Variants in LY86 observed in about 807,000 individuals in gnomAD.
LY86 encodes MD-1, RP105-associated.
A neutral mutation model predicts 17.3 loss-of-function variants in LY86; 20 were observed. The observed-to-expected ratio is 1.15, with a 90% CI of 0.81 to 1.68. The LOEUF is 1.68. Among genes scored for constraint, LY86 ranks in the 40% most tolerant of loss-of-function variants. The pLI is 0.00. For missense variants in LY86, 200 were observed against 191.9 expected, an observed-to-expected ratio of 1.04 and a Z score of -0.25; for synonymous variants, 74 against 70.6, an observed-to-expected ratio of 1.05 and a Z score of -0.24.
intron 1 of LY86, among the ~76,000 whole-genome samples, chr6:6,590,118 TAAAAAAAAAAA>T (rs34637229): frequency 1.2e-5 from 1 of 80,586 alleles, no homozygotes; most frequent in African/African-American, 5.1e-5. Flanking sequence ...AACTCTGTCT[TAAAAAAAAAAA>T]AAAAAAAAAA....
chr6:6,642,269 T>G (rs1229279892), intron 3 of LY86, among the ~76,000 whole-genome samples: 2 of 152,208 alleles, frequency 1.3e-5, no homozygotes, highest in Non-Finnish European at 2.9e-5. Context: ...TCTGTGCAAC[T>G]GTATGGGGAG....
chr6:6,629,592 G>C lies in LY86; in HGVS notation c.352+3171G>C, dbSNP rs571898565. On this transcript the variant is annotated intron_variant, in intron 3 of 4. Transcript: ENST00000230568. ...GGTGTCACTGGCAGTTGAGCTGTTT[G>C]GTATCATTGCCATGGCATTACTATG... is the stretch of plus-strand genomic sequence containing the variant. Among the ~76,000 whole-genome samples, 60 of 152,336 alleles carry C rather than the reference G, an allele frequency of 3.9e-4. No individual in the cohort carries two copies. In the East Asian group the frequency reaches 4.1e-3, roughly 10 times the overall value.
chr6:6,649,623 A>G lies in LY86; in HGVS notation c.353-2A>G. On this transcript the variant is annotated splice_acceptor_variant, in intron 3 of 4. Transcript: ENST00000230568. LOFTEE classifies it high-confidence loss of function. ...TCATCTATGCTTTATATATTTTTTC[A>G]GAGCAGATTTACTATGCTGGGCCTG... 6.5e-7 allele frequency: 1 copy of G among 1,545,646 alleles called. No homozygotes were observed. The highest frequency in any genetic ancestry group is 1.2e-5 in the South Asian group (1 of 86,364).
intron 3 of LY86, among the ~76,000 whole-genome samples, chr6:6,642,908 T>C (rs989117787): frequency 6.6e-6 from 1 of 152,196 alleles, no homozygotes; most frequent in South Asian, 2.1e-4. Context: ...GTCTGGAACA[T>C]CCTTCCCACC....
chr6:6,606,047 G>GT (rs1385877669), intron 1 of LY86, among the ~76,000 whole-genome samples: 3 of 152,202 alleles, frequency 2.0e-5, no homozygotes, highest in African/African-American at 4.8e-5. Flanking sequence ...ACTCAAGCAG[G>GT]TTACTGCTGC....
chr6:6,594,050 G>C (rs764512135), intron 1 of LY86, among the ~76,000 whole-genome samples: 2 of 152,258 alleles, frequency 1.3e-5, no homozygotes, highest in African/African-American at 4.8e-5. Context: ...GTAAGGGTCA[G>C]ATAGAGTTCT....
intron 1 of LY86, among the ~76,000 whole-genome samples, chr6:6,608,528 A>AC (rs766847303): frequency 6.6e-5 from 10 of 152,156 alleles, no homozygotes; most frequent in Non-Finnish European, 1.5e-4. Context: ...GAAAATGTTT[A>AC]CCGGCCCAGT....
At chr6:6,594,019 T>C (rs1384326182) in intron 1 of LY86, among the ~76,000 whole-genome samples, 2 of 152,254 alleles carry the variant, frequency 1.3e-5, no homozygotes, top group African/African-American at 4.8e-5. Flanking sequence ...TTGTTGCCAT[T>C]GTTTTTGTTA....
intron 1 of LY86, among the ~76,000 whole-genome samples, chr6:6,595,454 AAG>A (rs1254101514): frequency 2.6e-5 from 4 of 151,690 alleles, no homozygotes; most frequent in South Asian, 2.1e-4. Flanking sequence ...GTGGAAAAAG[AAG>A]AGAGGGAGAG....
At chr6:6,614,492 C>G (rs922036157) in intron 1 of LY86, among the ~76,000 whole-genome samples, 1 of 151,990 alleles carries the variant, frequency 6.6e-6, no homozygotes, top group Non-Finnish European at 1.5e-5. Context: ...CCTGCGCATA[C>G]CAGGCTCTCT....
rs982541363 is a variant in LY86 at position 6,646,119 on chromosome 6, C to T, written c.353-3506C>T. Reference sequence around the variant, plus strand: ...GATTGCAATGCAAGGGGTGCATCCTCAGGCTGGGCAAAGCACCAGCATGAC... The same window carrying T: ...GATTGCAATGCAAGGGGTGCATCCTTAGGCTGGGCAAAGCACCAGCATGAC... On this transcript the variant is annotated intron_variant, in intron 3 of 4. Transcript: ENST00000230568. Among the ~76,000 whole-genome samples the T allele has an allele frequency of 5.9e-5, 9 of 152,290 alleles. 1 individual carries two copies. Among genetic ancestry groups the T allele is most frequent in the Admixed American group, 4.6e-4 (7 of 15,300 alleles).
At chr6:6,621,483 C>A (rs1204133673) in intron 1 of LY86, 1 of 152,184 alleles carries the variant, frequency 6.6e-6, no homozygotes, top group Non-Finnish European at 1.5e-5. Flanking sequence ...GAAATTGATA[C>A]AGTGATTATT....
chr6:6,631,672 G>A lies in LY86; in HGVS notation c.352+5251G>A, dbSNP rs1581249082. ...TGATCTGTATTTTAACAAGCCTTTT[G>A]GGCCATGTGTTGGCAAACTTTCTTC... On this transcript the variant is annotated intron_variant, in intron 3 of 4. Coordinates refer to ENST00000230568, the MANE Select transcript of LY86 (RefSeq NM_004271.4). 3.3e-5 allele frequency among the ~76,000 whole-genome samples: 5 copies of A among 152,128 alleles called. No individual in the cohort carries two copies. In the South Asian group the frequency reaches 1.0e-3, roughly 32 times the overall value.
chr6:6,618,586 C>T (rs535637627), intron 1 of LY86, among the ~76,000 whole-genome samples: 84 of 152,238 alleles, frequency 5.5e-4, no homozygotes, highest in Non-Finnish European at 1.1e-3. Context: ...CACAAATAGT[C>T]GATATTCCAT....
At chr6:6,652,876 TGTA>T (rs1233239597) in intron 4 of LY86, among the ~76,000 whole-genome samples, 2 of 152,210 alleles carry the variant, frequency 1.3e-5, no homozygotes, top group Non-Finnish European at 2.9e-5. Flanking sequence ...AGGTTCATAA[TGTA>T]GTAATGAAAA....
At position 6,649,689 on chromosome 6, in the gene LY86, C is replaced by T. The variant is rs1362300691; in HGVS notation, c.405+12C>T. ...TTACTATTCCTCAGGTAAGATATTACTTACTTCTTGTATTAAATAGTTTGT... is the reference window on the plus strand; with the variant it reads ...TTACTATTCCTCAGGTAAGATATTATTTACTTCTTGTATTAAATAGTTTGT... On this transcript the variant is annotated intron_variant, in intron 4 of 4. Coordinates refer to ENST00000230568, the MANE Select transcript of LY86 (RefSeq NM_004271.4). The T allele has an allele frequency of 2.0e-6, 3 of 1,492,048 alleles. No homozygotes were observed. The highest frequency in any genetic ancestry group is 2.3e-5 in the East Asian group (1 of 44,208). 92.4% of individuals were successfully genotyped at this position (1,492,048 alleles called of 1,614,324 possible).
chr6:6,651,086 G>A (rs1025757130), intron 4 of LY86, among the ~76,000 whole-genome samples: 7 of 152,142 alleles, frequency 4.6e-5, no homozygotes, highest in Admixed American at 1.3e-4. Flanking sequence ...ATTCCATTGT[G>A]TATATATACC....
At chr6:6,605,728 C>G (rs190873308) in intron 1 of LY86, among the ~76,000 whole-genome samples, 37 of 152,354 alleles carry the variant, frequency 2.4e-4, no homozygotes, top group Non-Finnish European at 4.7e-4. Flanking sequence ...GTGAGTGTTA[C>G]AGTTCTTAAA....
At chr6:6,592,012 AT>A (rs1760545381) in intron 1 of LY86, among the ~76,000 whole-genome samples, 1 of 152,192 alleles carries the variant, frequency 6.6e-6, no homozygotes, top group Non-Finnish European at 1.5e-5. Flanking sequence ...AGGAGGTTGC[AT>A]TTTGGAAAGA....
Sources: gnomAD v4.1 joint callset for allele counts (sites outside exome capture counted in the v4.1 genomes callset) on GRCh38, gnomAD v4.1.1 for gene constraint, MANE v1.5 for transcripts, NCBI Gene and HGNC (gene_info 2026-07-23, HGNC 2026-07-21) for gene names.